The following IGHMBP2 variants were observed in gnomAD, a reference collection of about 807,000 sequenced individuals.
The protein encoded by IGHMBP2 is DNA-binding protein SMUBP-2.
Under a neutral mutation model 96.0 loss-of-function variants are expected in IGHMBP2, and 81 were observed. The ratio of observed to expected loss-of-function variants is 0.84; its 90% CI spans 0.71 to 1.01. IGHMBP2 has a LOEUF of 1.01. Among genes scored for constraint, IGHMBP2 ranks in the 50% least tolerant of loss-of-function variants. IGHMBP2 has a pLI of 0.00. For missense variants in IGHMBP2, 1,227 were observed against 1,306.3 expected, an observed-to-expected ratio of 0.94 and a Z score of 0.94; for synonymous variants, 557 against 548.9, an observed-to-expected ratio of 1.01 and a Z score of -0.21.
intron 7 of IGHMBP2, among the ~76,000 whole-genome samples, chr11:68,928,084 G>A (rs1269747874): frequency 6.6e-6 from 1 of 152,218 alleles, no homozygotes; most frequent in Non-Finnish European, 1.5e-5. Flanking sequence ...TTGCTTTCGT[G>A]GAGGAGAGAA....
intron 2 of IGHMBP2, 107 bp from the exon 3 acceptor site, chr11:68,908,038 A>G: frequency 9.8e-7 from 1 of 1,017,400 alleles, no homozygotes; most frequent in Non-Finnish European, 1.6e-6. Context: ...GCATTTACTA[A>G]AGAAAGTAAC....
chr11:68,918,044 T>C (rs1050360465), intron 7 of IGHMBP2, among the ~76,000 whole-genome samples, 161 bp downstream of exon 7: 8 of 152,208 alleles, frequency 5.3e-5, no homozygotes, highest in Non-Finnish European at 7.3e-5. Flanking sequence ...GTTTTCTTCA[T>C]GGAGAGGTTT....
At chr11:68,916,975 CTTTTTTTTTTTT>C (rs11418103) in intron 6 of IGHMBP2, among the ~76,000 whole-genome samples, 7 of 103,352 alleles carry the variant, frequency 6.8e-5, no homozygotes, top group South Asian at 4.2e-4. Context: ...AAGGTTACAT[CTTTTTTTTTTTT>C]TTTTTTTTTT....
At chr11:68,908,036 T>A in intron 2 of IGHMBP2, 109 bp from the exon 3 acceptor site, 1 of 984,304 alleles carries the variant, frequency 1.0e-6, no homozygotes, top group Non-Finnish European at 1.6e-6. Flanking sequence ...TTGCATTTAC[T>A]AAAGAAAGTA....
At chr11:68,919,335 A>G (rs1035479093) in intron 7 of IGHMBP2, among the ~76,000 whole-genome samples, 2 of 151,258 alleles carry the variant, frequency 1.3e-5, no homozygotes, top group Non-Finnish European at 2.9e-5. Flanking sequence ...GGATCTCACT[A>G]TGTTGCCCAG....
In IGHMBP2 at chr11:68,909,469, C is replaced by T. The variant is rs375126806; in HGVS notation, c.547+838C>T. ...TGTTGGGATTACAGGCATGAGCTAC[C>T]GTGCCTAGCCTCCATTGAGTTTTAA... On this transcript the variant is annotated intron_variant, in intron 4 of 14. Coordinates refer to ENST00000255078, the MANE Select transcript of IGHMBP2 (RefSeq NM_002180.3). Among the ~76,000 whole-genome samples, 7 of 152,182 alleles carry T rather than the reference C, an allele frequency of 4.6e-5. No individual in the cohort carries two copies. The East Asian group carries it at 9.7e-4, about 21-fold the overall frequency.
intron 8 of IGHMBP2, among the ~76,000 whole-genome samples, chr11:68,931,302 G>A (rs1304691800): frequency 6.6e-6 from 1 of 152,144 alleles, no homozygotes; most frequent in African/African-American, 2.4e-5. Flanking sequence ...GAGTGGGAGG[G>A]CAGCTACAGC....
chr11:68,913,947 C>T (rs973020652), intron 5 of IGHMBP2, among the ~76,000 whole-genome samples: 5 of 152,264 alleles, frequency 3.3e-5, no homozygotes, highest in African/African-American at 1.2e-4. Context: ...GCTTTATAAT[C>T]AGATGGTGCA....
intron 7 of IGHMBP2, 26 bp downstream of exon 7, chr11:68,917,909 G>A: frequency 6.2e-7 from 1 of 1,612,700 alleles, no homozygotes. Flanking sequence ...CATCCTGCCT[G>A]TGTGGCCTCG....
intron 4 of IGHMBP2, among the ~76,000 whole-genome samples, chr11:68,909,602 T>C (rs909469249): frequency 1.2e-4 from 19 of 152,288 alleles, no homozygotes; most frequent in Non-Finnish European, 2.8e-4. Flanking sequence ...TACTTTATGC[T>C]TGATAGCAAT....
intron 6 of IGHMBP2, among the ~76,000 whole-genome samples, chr11:68,915,807 A>G (rs950972448): frequency 6.6e-6 from 1 of 152,048 alleles, no homozygotes; most frequent in African/African-American, 2.4e-5. Flanking sequence ...TTGATAGAGA[A>G]CTATACTTAG....
Position 68,939,725 on chromosome 11 carries a change from G to T in IGHMBP2, c.2976G>T (p.Gly992=). 1 of 1,608,590 alleles carries T rather than the reference G, an allele frequency of 6.2e-7. No individual in the cohort carries two copies. The highest frequency in any genetic ancestry group is 1.3e-5 in the African/African-American group (1 of 75,010). Residue 992 remains glycine (G), a synonymous_variant, in exon 15 of 15, where the codon GGG becomes GGT. Transcript: ENST00000255078. ...NQRTSRRKER[G]T Reference sequence around the variant, plus strand: ...GGACCAGCCGGAGGAAGGAGAGGGGGACGTGACCGGCCGCATCCTTGCACG... The same window carrying T: ...GGACCAGCCGGAGGAAGGAGAGGGGTACGTGACCGGCCGCATCCTTGCACG...
Position 68,939,753 on chromosome 11 carries a change from C to A in IGHMBP2, c.*22C>A. On this transcript the variant is annotated 3_prime_UTR_variant, in exon 15 of 15. Coordinates refer to ENST00000255078, the MANE Select transcript of IGHMBP2 (RefSeq NM_002180.3). ...GTGACCGGCCGCATCCTTGCACGCCCCGCGGAGCTCTCTCCATGGTAGCCC... is the reference window on the plus strand; with the variant it reads ...GTGACCGGCCGCATCCTTGCACGCCACGCGGAGCTCTCTCCATGGTAGCCC... The A allele has an allele frequency of 6.3e-7, 1 of 1,587,188 alleles. No homozygotes were observed. The highest frequency in any genetic ancestry group is 2.3e-5 in the East Asian group (1 of 44,032).
chr11:68,920,813 G>T (rs977176645), intron 7 of IGHMBP2, among the ~76,000 whole-genome samples: 1 of 152,038 alleles, frequency 6.6e-6, no homozygotes, highest in African/African-American at 2.4e-5. Context: ...AGAGAGTCTT[G>T]CTCTGTTGCT....
At chr11:68,924,361 AG>A (rs1566436556) in intron 7 of IGHMBP2, among the ~76,000 whole-genome samples, 1 of 152,376 alleles carries the variant, frequency 6.6e-6, no homozygotes, top group East Asian at 1.9e-4. Flanking sequence ...GTGTGATAAT[AG>A]TACCACAAAG....
Position 68,933,302 on chromosome 11 carries a change from T to C in IGHMBP2, c.1239T>C (p.Ala413=), listed in dbSNP as rs756287157. The change falls in exon 9 of 15, where the codon GCT becomes GCC. Residue 413 remains alanine, a synonymous_variant. Transcript: ENST00000255078. ...QLPPTTVSHK[A]ALAGLSLSLM... is the part of the protein sequence containing the mutation. ...CCTTTCTCCCTCCTGGGCGCAGGGC[T>C]GCGCTGGCAGGACTGTCACTCAGCC... is the stretch of plus-strand genomic sequence containing the variant. The C allele has an allele frequency of 1.2e-6, 2 of 1,612,092 alleles. No homozygotes were observed. Among genetic ancestry groups the C allele is most frequent in the Non-Finnish European group, 1.7e-6 (2 of 1,179,658 alleles).
At chr11:68,938,027 C>G in intron 13 of IGHMBP2, 155 bp from the exon 14 acceptor site, 2 of 779,180 alleles carry the variant, frequency 2.6e-6, no homozygotes, top group Non-Finnish European at 4.5e-6. Context: ...TAGTTTTGAA[C>G]TCCTGGCCGC....
At position 68,936,596 on chromosome 11, in the gene IGHMBP2, G is replaced by T. The variant is rs746334377; in HGVS notation, c.2116G>T (p.Ala706Ser). Residue 706 changes from alanine (A) to serine (S), a missense_variant, in exon 13 of 15, where the codon GCT (alanine) becomes TCT (serine). Physicochemically the swap from Ala to Ser is moderately conservative, Grantham distance 99. Coordinates refer to ENST00000255078, the MANE Select transcript of IGHMBP2 (RefSeq NM_002180.3). ...GGCTGGGAAGTCTCTGGCCTCTGAAGCTCCATCTCAGCCCAGCCTCAACGG... is the reference window on the plus strand; with the variant it reads ...GGCTGGGAAGTCTCTGGCCTCTGAATCTCCATCTCAGCCCAGCCTCAACGG... ...KPAGKSLASEAPSQPSLNGGS... is the reference protein window; with the variant it reads ...KPAGKSLASESPSQPSLNGGS... The T allele has an allele frequency of 8.7e-6, 14 of 1,612,946 alleles. No individual in the cohort carries two copies. Among genetic ancestry groups the T allele is most frequent in the Non-Finnish European group, 1.2e-5 (14 of 1,179,402 alleles).
chr11:68,911,381 A>G, intron 4 of IGHMBP2, 59 bp from the exon 5 acceptor site: 1 of 1,567,874 alleles, frequency 6.4e-7, no homozygotes, highest in Non-Finnish European at 8.7e-7. Context: ...CTCTCTGAGG[A>G]GGAACACCCA....
Sources: allele counts gnomAD v4.1 joint callset (sites outside exome capture counted in the v4.1 genomes callset), GRCh38; gene constraint gnomAD v4.1.1; transcripts MANE v1.5; gene names NCBI Gene and HGNC (gene_info 2026-07-23, HGNC 2026-07-21).